Variants in PIEZO1 observed in about 807,000 individuals in gnomAD.
PIEZO1 encodes the protein piezo-type mechanosensitive ion channel component 1.
A neutral mutation model predicts 297.2 loss-of-function variants in PIEZO1; 296 were observed. The ratio of observed to expected loss-of-function variants is 1.00; its 90% CI spans 0.91 to 1.10. The LOEUF is 1.10. PIEZO1 is among the 50% of genes least tolerant of loss of function. The probability of loss-of-function intolerance (pLI) is 0.00; values close to 1 mark genes in which losing one functional copy is unlikely to be tolerated. For synonymous variants in PIEZO1, 2,427 were observed against 1,507.5 expected (o/e 1.61, Z -14.13); for missense variants, 5,018 against 3,455.5 (o/e 1.45, Z -11.34).
At chr16:88,731,683 C>G (rs1904819213) in intron 22 of PIEZO1, 23 bp downstream of exon 22, 1 of 1,542,516 alleles carries the variant, frequency 6.5e-7, no homozygotes, top group Non-Finnish European at 8.8e-7. Context: ...AGCCCACTCC[C>G]ACCCAAGCCA....
rs6500493 is a variant in PIEZO1 at position 88,737,574 on chromosome 16, C to G, written c.1180G>C (p.Val394Leu). ...CGGTACTCACCAGGCCGCCGCAGGA[C>G]GGAGCTCTGGCCGGTCAGCTCGTGC... ...IVHELTGQSS[V>L]LRRPVRPKRA... is the part of the protein sequence containing the mutation. Residue 394 changes from valine to leucine, a missense_variant, in exon 10 of 51, where the codon GTC (valine) becomes CTC (leucine). Transcript: ENST00000301015. 0.69 allele frequency: 1,055,159 copies of G among 1,532,324 alleles called. 365,082 individuals are homozygous for G. The highest frequency in any genetic ancestry group is 0.89 in the East Asian group (36,490 of 40,870). The allele number at this position is 1,532,324 out of a possible 1,614,324, so 94.9% of individuals were successfully genotyped here. A position where few individuals can be genotyped will look rare whatever the true frequency, so the allele number is the denominator to read the frequency against.
chr16:88,720,453 A>C lies in PIEZO1; in HGVS notation c.5881T>G (p.Tyr1961Asp), dbSNP rs1912350265. ...ACATCAGCCAGGAACATGAGGGCATAGACGTCGGTGGCTGCGCGGTACTTG... is the reference window on the plus strand; with the variant it reads ...ACATCAGCCAGGAACATGAGGGCATCGACGTCGGTGGCTGCGCGGTACTTG... ...HTKYRAATDV[Y>D]ALMFLADVVD... The change falls in exon 41 of 51, where the codon TAT (tyrosine) becomes GAT (aspartate). Residue 1961 changes from tyrosine (Y) to aspartate (D), a missense_variant. Coordinates refer to ENST00000301015, the MANE Select transcript of PIEZO1 (RefSeq NM_001142864.4). The C allele has an allele frequency of 6.4e-7, 1 of 1,550,392 alleles. No homozygotes were observed. Among genetic ancestry groups the C allele is most frequent in the Non-Finnish European group, 8.7e-7 (1 of 1,146,972 alleles).
At position 88,726,447 on chromosome 16, in the gene PIEZO1, TCTC is replaced by T. The variant is rs1376296434; in HGVS notation, c.3802_3804del (p.Glu1268del). On this transcript the variant is annotated inframe_deletion, in exon 27 of 51. Transcript: ENST00000301015. ...AGGCAGTCCTGGTCTCTGTCCATCA[TCTC>T]CTTGGCTGCAAGGCAGGCACCGGCA... 2 of 1,549,524 alleles carry T rather than the reference TCTC, an allele frequency of 1.3e-6. No individual in the cohort carries two copies. The highest frequency in any genetic ancestry group is 8.7e-7 in the Non-Finnish European group (1 of 1,146,348).
intron 27 of PIEZO1, 59 bp from the exon 28 acceptor site, chr16:88,725,743 AGCCGCC>A: frequency 6.8e-6 from 6 of 887,410 alleles, no homozygotes; most frequent in Non-Finnish European, 1.1e-5. Flanking sequence ...CAACATGGGC[AGCCGCC>A]GCTCCCCGCT....
At chr16:88,782,780 T>G (rs1401552004) in intron 1 of PIEZO1, among the ~76,000 whole-genome samples, 1 of 152,084 alleles carries the variant, frequency 6.6e-6, no homozygotes, top group South Asian at 2.1e-4. Flanking sequence ...AACCTGCACA[T>G]CGCGGGTCCA....
chr16:88,720,977 C>T (rs748767931), intron 39 of PIEZO1, among the ~76,000 whole-genome samples, 189 bp downstream of exon 39: 5 of 152,148 alleles, frequency 3.3e-5, no homozygotes, highest in Admixed American at 1.3e-4. Flanking sequence ...TGGGGAGCAT[C>T]CCCGGGGGCA....
rs548426483 is a variant in PIEZO1 at position 88,723,075 on chromosome 16, C to G, written c.4495+20G>C. 72 of 1,546,652 alleles carry G rather than the reference C, an allele frequency of 4.7e-5. No homozygotes were observed. The African/African-American group carries it at 9.3e-4, about 20-fold the overall frequency. On this transcript the variant is annotated intron_variant, in intron 33 of 50. Coordinates refer to ENST00000301015, the MANE Select transcript of PIEZO1 (RefSeq NM_001142864.4). ...GGGGCCAAGAGAGACCTCCCACTCC[C>G]CAGCCCCGGGCCCACGTACCTGCCG...
Position 88,785,010 on chromosome 16 carries a change from C to T in PIEZO1, c.-46G>A. 1 of 1,160,096 alleles carries T rather than the reference C, an allele frequency of 8.6e-7. No individual in the cohort carries two copies. The highest frequency in any genetic ancestry group is 1.1e-6 in the Non-Finnish European group (1 of 931,636). 71.9% of individuals were successfully genotyped at this position (1,160,096 alleles called of 1,614,324 possible). Reference sequence around the variant, plus strand: ...GGCCCAGACCGAGCGGACGCCGCGGCGCTATGGGGCGGTGCGGGGGCCCCG... The same window carrying T: ...GGCCCAGACCGAGCGGACGCCGCGGTGCTATGGGGCGGTGCGGGGGCCCCG... On this transcript the variant is annotated 5_prime_UTR_variant, in exon 1 of 51. Transcript: ENST00000301015.
Position 88,749,377 on chromosome 16 carries a change from G to T in PIEZO1, c.160+7C>A. On this transcript the variant is annotated splice_region_variant and intron_variant, in intron 2 of 50. Coordinates refer to ENST00000301015, the MANE Select transcript of PIEZO1 (RefSeq NM_001142864.4). Reference sequence around the variant, plus strand: ...CTGAGAGCGTGGGCAGGGTCCCCTGGCCTTACCTTGGAGGCCGCATCGGGT... The same window carrying T: ...CTGAGAGCGTGGGCAGGGTCCCCTGTCCTTACCTTGGAGGCCGCATCGGGT... 6.7e-7 allele frequency: 1 copy of T among 1,489,798 alleles called. No homozygotes were observed. Among genetic ancestry groups the T allele is most frequent in the Non-Finnish European group, 8.9e-7 (1 of 1,127,398 alleles). 92.3% of individuals were successfully genotyped at this position (1,489,798 alleles called of 1,614,324 possible).
chr16:88,781,871 T>G (rs16964987), intron 1 of PIEZO1, among the ~76,000 whole-genome samples: 8,275 of 152,308 alleles, frequency 0.054, 752 homozygotes, highest in African/African-American at 0.19. Flanking sequence ...GTGACACTTC[T>G]CAGTGACAAT....
chr16:88,738,169 G>T, intron 7 of PIEZO1, 58 bp downstream of exon 7: 3 of 1,533,398 alleles, frequency 2.0e-6, no homozygotes, highest in South Asian at 1.2e-5. Context: ...GGGGCTAGAC[G>T]AGCCAGGTGG....
At chr16:88,767,917 C>T (rs957742314) in intron 1 of PIEZO1, among the ~76,000 whole-genome samples, 6 of 152,216 alleles carry the variant, frequency 3.9e-5, no homozygotes, top group South Asian at 2.1e-4. Context: ...GCAGACTTCC[C>T]GGGCTCCCTG....
chr16:88,783,380 C>G (rs979176879), intron 1 of PIEZO1, among the ~76,000 whole-genome samples: 4 of 152,242 alleles, frequency 2.6e-5, no homozygotes, highest in African/African-American at 9.6e-5. Flanking sequence ...TATTTACCAT[C>G]TGGTCATTTA....
intron 1 of PIEZO1, among the ~76,000 whole-genome samples, chr16:88,749,803 G>A (rs147716327): frequency 1.3e-5 from 2 of 152,304 alleles, no homozygotes; most frequent in African/African-American, 2.4e-5. Flanking sequence ...CAAGGCGGGC[G>A]GATCACTTGA....
At position 88,735,234 on chromosome 16, in the gene PIEZO1, G is replaced by C. The variant is rs1905131158; in HGVS notation, c.1570C>G (p.Leu524Val). Residue 524 changes from leucine to valine, a missense_variant, in exon 13 of 51, where the codon CTG (leucine) becomes GTG (valine). Leu to Val is a conservative substitution (Grantham distance 32, BLOSUM62 1). Transcript: ENST00000301015. Reference sequence around the variant, plus strand: ...TGGCGCAGCAGGAGCCAGAAGGTCAGGGTGTAGAGCAACTGTGACAAGCGC... The same window carrying C: ...TGGCGCAGCAGGAGCCAGAAGGTCACGGTGTAGAGCAACTGTGACAAGCGC... ...LDLGAMLLYT[L>V]TFWLLLRQFV... is the part of the protein sequence containing the mutation. 1 of 1,549,956 alleles carries C rather than the reference G, an allele frequency of 6.5e-7. No homozygotes were observed.
intron 1 of PIEZO1, among the ~76,000 whole-genome samples, chr16:88,765,151 C>T (rs1160669913): frequency 6.6e-6 from 1 of 152,226 alleles, no homozygotes; most frequent in Non-Finnish European, 1.5e-5. Context: ...CTAGACTGCC[C>T]CAGGGCCCAG....
intron 47 of PIEZO1, 36 bp downstream of exon 47, chr16:88,716,523 C>T (rs762678343): frequency 6.5e-7 from 1 of 1,535,898 alleles, no homozygotes; most frequent in South Asian, 1.2e-5. Context: ...GTAGTGGGTC[C>T]ACCCACCCAG....
chr16:88,728,513 A>T (rs878879662), intron 22 of PIEZO1, among the ~76,000 whole-genome samples: 6 of 139,318 alleles, frequency 4.3e-5, no homozygotes, highest in South Asian at 2.4e-4. Flanking sequence ...GACATGCTGA[A>T]CCCACAGCCC....
chr16:88,723,790 T>G, intron 31 of PIEZO1, 81 bp downstream of exon 31: 1 of 760,030 alleles, frequency 1.3e-6, no homozygotes, highest in East Asian at 2.7e-5. Context: ...CCTGGGGGCA[T>G]CTGACACCCT....
Sources: allele counts gnomAD v4.1 joint callset (sites outside exome capture counted in the v4.1 genomes callset), GRCh38; gene constraint gnomAD v4.1.1; transcripts MANE v1.5; gene names NCBI Gene and HGNC (gene_info 2026-07-23, HGNC 2026-07-21).